CSMD1: variants seen among roughly 807,000 people sequenced by gnomAD.
CSMD1 encodes CUB and sushi domain-containing protein 1.
A neutral mutation model predicts 417.5 loss-of-function variants in CSMD1; 213 were observed. That is an observed-to-expected ratio of 0.51 (90% confidence interval 0.46 to 0.57). The LOEUF (loss-of-function observed/expected upper bound fraction) is 0.57, where lower values mean the gene tolerates loss of function less well. CSMD1 is among the 20% of genes least tolerant of loss of function. The pLI is 0.00. For synonymous variants in CSMD1, 2,862 were observed against 1,736.8 expected (o/e 1.65, Z -16.11); for missense variants, 6,923 against 4,529.7 (o/e 1.53, Z -15.17).
chr8:4,607,821 T>C (rs1800960986), intron 2 of CSMD1, among the ~76,000 whole-genome samples: 1 of 152,186 alleles, frequency 6.6e-6, no homozygotes, highest in Non-Finnish European at 1.5e-5. Flanking sequence ...CCCTTTGCAA[T>C]AAATCTCTGT....
chr8:4,937,584 T>C (rs1461404134), intron 1 of CSMD1, among the ~76,000 whole-genome samples: 2 of 152,156 alleles, frequency 1.3e-5, no homozygotes, highest in Admixed American at 6.5e-5. Flanking sequence ...AGAACAAAGA[T>C]AGGAAAAGTC....
At chr8:3,216,780 G>A (rs924313775) in intron 29 of CSMD1, among the ~76,000 whole-genome samples, 1 of 152,234 alleles carries the variant, frequency 6.6e-6, no homozygotes, top group Non-Finnish European at 1.5e-5. Context: ...TCAGAGGCCA[G>A]GTGGATTGCC....
chr8:3,927,471 C>G (rs987093422), intron 5 of CSMD1, among the ~76,000 whole-genome samples: 1 of 151,824 alleles, frequency 6.6e-6, no homozygotes, highest in Non-Finnish European at 1.5e-5. Flanking sequence ...TTGGGACCAC[C>G]CTGGCCAACA....
intron 68 of CSMD1, among the ~76,000 whole-genome samples, chr8:2,947,071 G>A (rs1802292010): frequency 6.6e-6 from 1 of 152,054 alleles, no homozygotes; most frequent in Non-Finnish European, 1.5e-5. Context: ...TAGGTTATTT[G>A]CCTCTGTATT....
chr8:3,368,799 T>C (rs1444052842), intron 19 of CSMD1, among the ~76,000 whole-genome samples: 2 of 152,274 alleles, frequency 1.3e-5, no homozygotes, highest in Non-Finnish European at 2.9e-5. Context: ...ATCTATTCTA[T>C]GAGCCATCTC....
chr8:4,412,633 C>T (rs74355780), intron 3 of CSMD1, among the ~76,000 whole-genome samples: 4,396 of 152,206 alleles, frequency 0.029, 102 homozygotes, highest in African/African-American at 0.067. Flanking sequence ...TCTATTCCAA[C>T]GGAATCAGAA....
At chr8:3,081,727 T>C (rs1033533392) in intron 49 of CSMD1, among the ~76,000 whole-genome samples, 1 of 152,212 alleles carries the variant, frequency 6.6e-6, no homozygotes, top group African/African-American at 2.4e-5. Context: ...CAGCAGATAG[T>C]CTTTCTTTAA....
intron 3 of CSMD1, among the ~76,000 whole-genome samples, chr8:4,368,803 G>T (rs1802238833): frequency 6.6e-6 from 1 of 152,064 alleles, no homozygotes. Flanking sequence ...TGGATAGGTT[G>T]TAATGTCAGC....
chr8:4,265,308 T>C (rs568920058), intron 3 of CSMD1, among the ~76,000 whole-genome samples: 16 of 152,072 alleles, frequency 1.1e-4, no homozygotes, highest in South Asian at 8.3e-4. Flanking sequence ...TAAAAACATA[T>C]ACGTTAGGGA....
intron 49 of CSMD1, among the ~76,000 whole-genome samples, chr8:3,072,529 C>T (rs1813389905): frequency 6.6e-6 from 1 of 152,158 alleles, no homozygotes; most frequent in East Asian, 1.9e-4. Flanking sequence ...GGTCAAAATA[C>T]TTGGAAGAGC....
At chr8:4,349,925 C>G (rs566353777) in intron 3 of CSMD1, among the ~76,000 whole-genome samples, 3 of 151,150 alleles carry the variant, frequency 2.0e-5, no homozygotes, top group South Asian at 4.2e-4. Flanking sequence ...GTGCTATGAC[C>G]TTTATACTGC....
At chr8:4,151,539 T>C (rs1402782636) in intron 3 of CSMD1, among the ~76,000 whole-genome samples, 2 of 152,228 alleles carry the variant, frequency 1.3e-5, no homozygotes, top group East Asian at 3.8e-4. Flanking sequence ...TATCATAGAC[T>C]TATACCATAA....
rs538156690 is a variant in CSMD1 at position 4,748,790 on chromosome 8, G to C, written c.86-111232C>G. Among the ~76,000 whole-genome samples the C allele has an allele frequency of 3.9e-5, 6 of 152,298 alleles. No individual in the cohort carries two copies. The South Asian group carries it at 8.3e-4, about 21-fold the overall frequency. On this transcript the variant is annotated intron_variant, in intron 1 of 69. Transcript: ENST00000635120. Reference sequence around the variant, plus strand: ...TTAATTATTGAATAGGTATTTAGTAGCGTGTTAGCATCACCATTGTGAACA... The same window carrying C: ...TTAATTATTGAATAGGTATTTAGTACCGTGTTAGCATCACCATTGTGAACA...
At chr8:4,079,229 C>A (rs913776309) in intron 3 of CSMD1, among the ~76,000 whole-genome samples, 4 of 152,108 alleles carry the variant, frequency 2.6e-5, no homozygotes, top group Admixed American at 6.5e-5. Context: ...TGGGAAACAA[C>A]TGAATGAGTA....
At chr8:4,764,682 G>C (rs952341417) in intron 1 of CSMD1, among the ~76,000 whole-genome samples, 39 of 132,070 alleles carry the variant, frequency 3.0e-4, no homozygotes, top group African/African-American at 1.0e-3. Context: ...ATAAAAATTT[G>C]TTAAAAAAAA....
intron 2 of CSMD1, among the ~76,000 whole-genome samples, chr8:4,538,718 C>G (rs369242061): frequency 6.6e-5 from 10 of 152,214 alleles, no homozygotes; most frequent in Admixed American, 4.6e-4. Flanking sequence ...TGTCATACAT[C>G]CTAGCAAGTA....
chr8:3,255,099 C>T (rs188410367), intron 26 of CSMD1, among the ~76,000 whole-genome samples: 6 of 152,298 alleles, frequency 3.9e-5, no homozygotes, highest in Non-Finnish European at 5.9e-5. Flanking sequence ...AGTCAGGACC[C>T]TCAGCTGCCG....
intron 10 of CSMD1, among the ~76,000 whole-genome samples, chr8:3,498,665 A>G (rs2117329109): frequency 6.6e-6 from 1 of 152,294 alleles, no homozygotes; most frequent in East Asian, 1.9e-4. Context: ...TTTGTTCCAC[A>G]CATTTTGTAG....
chr8:3,137,293 G>A (rs2129029295), intron 41 of CSMD1, among the ~76,000 whole-genome samples: 1 of 152,316 alleles, frequency 6.6e-6, no homozygotes, highest in African/African-American at 2.4e-5. Flanking sequence ...ATTTAATGAG[G>A]AAGCCGGAGC....
Sources: gnomAD v4.1 joint callset for allele counts (sites outside exome capture counted in the v4.1 genomes callset) on GRCh38, gnomAD v4.1.1 for gene constraint, MANE v1.5 for transcripts, NCBI Gene and HGNC (gene_info 2026-07-23, HGNC 2026-07-21) for gene names.